ADD3: variants seen among roughly 807,000 people sequenced by gnomAD.
ADD3 encodes the protein gamma-adducin.
ADD3 carries 25 observed loss-of-function variants against 80.2 expected under a neutral mutation model. That is an observed-to-expected ratio of 0.31 (90% confidence interval 0.23 to 0.44). The LOEUF (loss-of-function observed/expected upper bound fraction) is 0.44. Among genes scored for constraint, ADD3 ranks in the 20% least tolerant of loss-of-function variants. The probability of loss-of-function intolerance (pLI) is 1.00; values close to 1 mark genes in which losing one functional copy is unlikely to be tolerated. For missense variants in ADD3, 829 were observed against 847.5 expected, an observed-to-expected ratio of 0.98 and a Z score of 0.27; for synonymous variants, 284 against 289.6, an observed-to-expected ratio of 0.98 and a Z score of 0.20.
chr10:110,059,949 A>G (rs181992594), intron 1 of ADD3, among the ~76,000 whole-genome samples: 1 of 152,302 alleles, frequency 6.6e-6, no homozygotes, highest in Admixed American at 6.5e-5. Context: ...GGACTCTCAA[A>G]GTACTTGTCA....
At chr10:110,034,394 T>C (rs1162121740) in intron 1 of ADD3, among the ~76,000 whole-genome samples, 1 of 151,902 alleles carries the variant, frequency 6.6e-6, no homozygotes, top group African/African-American at 2.4e-5. Flanking sequence ...AAAAATTACA[T>C]TTTTTGATAA....
chr10:110,032,955 A>G (rs1438004446), intron 1 of ADD3, among the ~76,000 whole-genome samples: 1 of 152,252 alleles, frequency 6.6e-6, no homozygotes, highest in Non-Finnish European at 1.5e-5. Context: ...CAATTTAAAT[A>G]GAGCCAATTT....
At chr10:110,051,791 G>A (rs984572693) in intron 1 of ADD3, among the ~76,000 whole-genome samples, 3 of 152,066 alleles carry the variant, frequency 2.0e-5, no homozygotes, top group African/African-American at 4.8e-5. Flanking sequence ...TCCTTTTTAC[G>A]GTTGGCTTTT....
intron 1 of ADD3, among the ~76,000 whole-genome samples, chr10:110,015,920 A>G (rs1852935807): frequency 6.6e-6 from 1 of 152,176 alleles, no homozygotes; most frequent in South Asian, 2.1e-4. Context: ...TTATGCCTCA[A>G]TAAGAACAGT....
chr10:110,084,926 T>G (rs1021913453), intron 1 of ADD3, among the ~76,000 whole-genome samples: 1 of 152,230 alleles, frequency 6.6e-6, no homozygotes, highest in Non-Finnish European at 1.5e-5. Context: ...TTTTCCTGAA[T>G]TTGATATTAG....
chr10:110,123,034 T>C (rs1028645161), intron 9 of ADD3, among the ~76,000 whole-genome samples: 1 of 152,226 alleles, frequency 6.6e-6, no homozygotes, highest in African/African-American at 2.4e-5. Flanking sequence ...GGTTCATCCA[T>C]GTTGTCACAT....
At chr10:110,098,999 A>G (rs964107594) in intron 1 of ADD3, among the ~76,000 whole-genome samples, 2 of 151,746 alleles carry the variant, frequency 1.3e-5, no homozygotes, top group Admixed American at 6.6e-5. Context: ...GGCTCACTGC[A>G]GCCTCAACCT....
At chr10:110,016,904 A>C (rs934985483) in intron 1 of ADD3, among the ~76,000 whole-genome samples, 2 of 152,252 alleles carry the variant, frequency 1.3e-5, no homozygotes, top group South Asian at 4.1e-4. Context: ...TGTCAAAGCC[A>C]GACAAGAAGG....
At chr10:110,088,590 A>G (rs11194978) in intron 1 of ADD3, among the ~76,000 whole-genome samples, 19,092 of 152,192 alleles carry the variant, frequency 0.13, 3,732 homozygotes, top group African/African-American at 0.42. Flanking sequence ...CTTCAAATCC[A>G]ACTGCTTTGC....
chr10:110,041,315 G>A (rs911938970), intron 1 of ADD3, among the ~76,000 whole-genome samples: 2 of 152,172 alleles, frequency 1.3e-5, no homozygotes, highest in African/African-American at 4.8e-5. Flanking sequence ...TGTGCAGAGT[G>A]AGAGAAGTAC....
upstream of ADD3, among the ~76,000 whole-genome samples, chr10:110,005,382 A>T (rs1209442275): frequency 1.3e-5 from 2 of 152,326 alleles, no homozygotes; most frequent in Middle Eastern, 3.4e-3. Context: ...TTTATATCAC[A>T]TGAGCACACA....
At chr10:110,044,174 C>T (rs768083552) in intron 1 of ADD3, among the ~76,000 whole-genome samples, 4 of 152,146 alleles carry the variant, frequency 2.6e-5, no homozygotes, top group Non-Finnish European at 5.9e-5. Flanking sequence ...TGAACTCCGT[C>T]CTGGGTGACA....
At chr10:110,034,560 A>G (rs1855426089) in intron 1 of ADD3, among the ~76,000 whole-genome samples, 1 of 152,118 alleles carries the variant, frequency 6.6e-6, no homozygotes, top group Admixed American at 6.5e-5. Flanking sequence ...AGGAAAACCA[A>G]AGATTTCAAT....
intron 1 of ADD3, among the ~76,000 whole-genome samples, chr10:110,094,564 G>A (rs1340999605): frequency 6.6e-6 from 1 of 152,132 alleles, no homozygotes; most frequent in Middle Eastern, 3.4e-3. Context: ...GTTCATTTGG[G>A]TTTTTTCTCC....
chr10:110,082,922 A>G (rs971836953), intron 1 of ADD3, among the ~76,000 whole-genome samples: 2 of 152,164 alleles, frequency 1.3e-5, no homozygotes, highest in Middle Eastern at 3.2e-3. Flanking sequence ...TTATCAAACC[A>G]CGAATAGCCC....
intron 1 of ADD3, among the ~76,000 whole-genome samples, chr10:110,013,847 G>T (rs1460877420): frequency 6.6e-6 from 1 of 152,222 alleles, no homozygotes; most frequent in Non-Finnish European, 1.5e-5. Flanking sequence ...CCTACTAGAG[G>T]AGGTGGAACT....
intron 1 of ADD3, among the ~76,000 whole-genome samples, chr10:110,096,596 G>A (rs1486776972): frequency 1.3e-5 from 2 of 152,086 alleles, no homozygotes; most frequent in Non-Finnish European, 2.9e-5. Flanking sequence ...TTAGCTGGGG[G>A]GGGTCTGCTG....
intron 1 of ADD3, among the ~76,000 whole-genome samples, chr10:110,085,235 A>G (rs1023657331): frequency 1.9e-4 from 29 of 152,370 alleles, no homozygotes; most frequent in African/African-American, 6.3e-4. Flanking sequence ...ACAAGCTTGC[A>G]TGGCAGTTAA....
chr10:110,009,253 T>C (rs975308713), intron 1 of ADD3, among the ~76,000 whole-genome samples: 6 of 152,164 alleles, frequency 3.9e-5, no homozygotes, highest in Non-Finnish European at 5.9e-5. Flanking sequence ...TTGATAAGAT[T>C]CTGGGGTATG....
Sources: allele counts gnomAD v4.1 joint callset (sites outside exome capture counted in the v4.1 genomes callset), GRCh38; gene constraint gnomAD v4.1.1; transcripts MANE v1.5; gene names NCBI Gene and HGNC (gene_info 2026-07-23, HGNC 2026-07-21).